The following RHBDL3 variants were observed in gnomAD, a reference collection of about 807,000 sequenced individuals.
The protein encoded by RHBDL3 is rhomboid like 3.
Under a neutral mutation model 48.2 loss-of-function variants are expected in RHBDL3, and 28 were observed. That is an observed-to-expected ratio of 0.58 (90% CI 0.43 to 0.80). The LOEUF is 0.80. RHBDL3 is among the 30% of genes least tolerant of loss of function. The pLI, the probability that RHBDL3 is intolerant of heterozygous loss-of-function variation, is 0.00. For synonymous variants in RHBDL3, 208 were observed against 232.3 expected, an observed-to-expected ratio of 0.90 and a Z score of 0.95; for missense variants, 464 against 542.7, an observed-to-expected ratio of 0.85 and a Z score of 1.44.
intron 3 of RHBDL3, among the ~76,000 whole-genome samples, chr17:32,285,922 G>C (rs1369010600): frequency 6.6e-6 from 1 of 152,222 alleles, no homozygotes; most frequent in African/African-American, 2.4e-5. Flanking sequence ...CTTGGCTGAG[G>C]TCCAGCCTTG....
chr17:32,311,223 T>A (rs1003657260), intron 7 of RHBDL3, among the ~76,000 whole-genome samples: 5 of 152,190 alleles, frequency 3.3e-5, no homozygotes, highest in Admixed American at 1.3e-4. Context: ...AGGTTTGTAT[T>A]CCCCAAAGAT....
intron 7 of RHBDL3, among the ~76,000 whole-genome samples, chr17:32,307,132 T>G (rs942085942): frequency 1.3e-5 from 2 of 152,156 alleles, no homozygotes; most frequent in Non-Finnish European, 2.9e-5. Flanking sequence ...CGGTCTGAAG[T>G]CTGAAGGCTG....
intron 7 of RHBDL3, among the ~76,000 whole-genome samples, chr17:32,309,359 C>A (rs2040786418): frequency 6.6e-6 from 1 of 151,928 alleles, no homozygotes; most frequent in African/African-American, 2.4e-5. Flanking sequence ...TTGCGACCAG[C>A]CTGACCAACA....
At chr17:32,300,963 C>T (rs2040568704) in intron 6 of RHBDL3, among the ~76,000 whole-genome samples, 1 of 152,106 alleles carries the variant, frequency 6.6e-6, no homozygotes, top group Non-Finnish European at 1.5e-5. Flanking sequence ...TCACTGCAAC[C>T]TCCGCCTCTT....
At chr17:32,301,136 T>G (rs891600839) in intron 6 of RHBDL3, among the ~76,000 whole-genome samples, 2 of 152,104 alleles carry the variant, frequency 1.3e-5, no homozygotes, top group African/African-American at 4.8e-5. Flanking sequence ...CGCCTTGGCC[T>G]CCCAAAGTGC....
intron 6 of RHBDL3, among the ~76,000 whole-genome samples, chr17:32,303,723 G>A: frequency 6.6e-6 from 1 of 152,076 alleles, no homozygotes. Flanking sequence ...CTTTCTTGAA[G>A]GAGCTCAGTG....
chr17:32,268,981 GGAA>G (rs1266544729), intron 2 of RHBDL3, among the ~76,000 whole-genome samples: 1 of 152,082 alleles, frequency 6.6e-6, no homozygotes, highest in Non-Finnish European at 1.5e-5. Flanking sequence ...TGGAAGAATT[GGAA>G]GATCTTAATA....
At chr17:32,301,697 T>C (rs4261591) in intron 6 of RHBDL3, among the ~76,000 whole-genome samples, 10,185 of 151,996 alleles carry the variant, frequency 0.067, 1,000 homozygotes, top group African/African-American at 0.21. Context: ...GGCAGCCACC[T>C]GTAATCCCAG....
chr17:32,299,218 G>A (rs939272705), intron 6 of RHBDL3, among the ~76,000 whole-genome samples: 4 of 152,168 alleles, frequency 2.6e-5, no homozygotes, highest in African/African-American at 4.8e-5. Flanking sequence ...CAGGCAGGCA[G>A]GGACCCTGGG....
At chr17:32,289,167 T>C (rs1437232648) in intron 4 of RHBDL3, 151 bp downstream of exon 4, 2 of 666,754 alleles carry the variant, frequency 3.0e-6, no homozygotes, top group Admixed American at 2.4e-5. Context: ...AATAGTTGTA[T>C]TGCAAATCAG....
At chr17:32,279,664 G>A (rs2039995744) in intron 2 of RHBDL3, among the ~76,000 whole-genome samples, 1 of 152,180 alleles carries the variant, frequency 6.6e-6, no homozygotes, top group South Asian at 2.1e-4. Flanking sequence ...CATGGGTTGT[G>A]GATTTCTCAT....
chr17:32,303,679 C>T, intron 6 of RHBDL3, among the ~76,000 whole-genome samples: 1 of 152,000 alleles, frequency 6.6e-6, no homozygotes, highest in Non-Finnish European at 1.5e-5. Context: ...AGATTACATC[C>T]CCCTTGAGAC....
At chr17:32,300,949 C>T (rs1597665198) in intron 6 of RHBDL3, among the ~76,000 whole-genome samples, 1 of 151,846 alleles carries the variant, frequency 6.6e-6, no homozygotes, top group Non-Finnish European at 1.5e-5. Context: ...GGCATGATCT[C>T]GGCTCACTGC....
chr17:32,302,139 C>T (rs966098089), intron 6 of RHBDL3, among the ~76,000 whole-genome samples: 3 of 152,238 alleles, frequency 2.0e-5, no homozygotes, highest in Non-Finnish European at 4.4e-5. Context: ...CCTCTGCCTC[C>T]ATGACCTCTG....
At chr17:32,300,814 C>A (rs2040564674) in intron 6 of RHBDL3, among the ~76,000 whole-genome samples, 1 of 152,052 alleles carries the variant, frequency 6.6e-6, no homozygotes, top group South Asian at 2.1e-4. Context: ...AAATGACTTG[C>A]AGATTTGCTT....
intron 4 of RHBDL3, 63 bp from the exon 5 acceptor site, chr17:32,294,231 A>G: frequency 6.9e-7 from 1 of 1,451,996 alleles, no homozygotes; most frequent in South Asian, 1.3e-5. Flanking sequence ...AGTGCTAGTC[A>G]GCACAACAGG....
chr17:32,277,216 G>T (rs1419993870), intron 2 of RHBDL3, among the ~76,000 whole-genome samples: 2 of 152,222 alleles, frequency 1.3e-5, no homozygotes, highest in African/African-American at 4.8e-5. Context: ...GAGGTCCAGG[G>T]CCTGTCTAGA....
intron 5 of RHBDL3, among the ~76,000 whole-genome samples, chr17:32,296,235 T>TC (rs1240640390): frequency 3.4e-5 from 3 of 88,592 alleles, no homozygotes; most frequent in African/African-American, 1.2e-4. Flanking sequence ...AGAAAGAGAC[T>TC]CCATCTCAAA....
chr17:32,321,594 T>G lies in RHBDL3; in HGVS notation c.*365T>G. 3 of 398,316 alleles carry G rather than the reference T, an allele frequency of 7.5e-6. No individual in the cohort carries two copies. The highest frequency in any genetic ancestry group is 1.2e-4 in the East Asian group (2 of 16,914). The allele number at this position is 398,316 out of a possible 1,614,324, so 24.7% of individuals were successfully genotyped here. ...GAGCAGCAGCTTCTTCCTCCTCCTC[T>G]ACCCTCAGAGACCCTAAGAGACATG... On this transcript the variant is annotated 3_prime_UTR_variant, in exon 9 of 9. Coordinates refer to ENST00000269051, the MANE Select transcript of RHBDL3 (RefSeq NM_138328.3).
Sources: allele counts gnomAD v4.1 joint callset (sites outside exome capture counted in the v4.1 genomes callset), GRCh38; gene constraint gnomAD v4.1.1; transcripts MANE v1.5; gene names NCBI Gene and HGNC (gene_info 2026-07-23, HGNC 2026-07-21).